EPHA4: variants seen among roughly 807,000 people sequenced by gnomAD.
The protein encoded by EPHA4 is EPH receptor A4, also known as ephrin type-A receptor 4.
EPHA4 carries 19 observed loss-of-function variants against 108.3 expected under a neutral mutation model. That is an observed-to-expected ratio of 0.18 (90% CI 0.12 to 0.26). The LOEUF (loss-of-function observed/expected upper bound fraction) is 0.26, where lower values mean the gene tolerates loss of function less well. EPHA4 is among the 10% of genes least tolerant of loss of function. The pLI is 1.00. For synonymous variants in EPHA4, 449 were observed against 455.5 expected, an observed-to-expected ratio of 0.99 and a Z score of 0.18; for missense variants, 917 against 1,254.0, an observed-to-expected ratio of 0.73 and a Z score of 4.06.
intron 3 of EPHA4, among the ~76,000 whole-genome samples, chr2:221,510,695 CT>C (rs1692801694): frequency 6.6e-6 from 1 of 152,130 alleles, no homozygotes; most frequent in Non-Finnish European, 1.5e-5. Context: ...TCTAAATTAA[CT>C]CTATAAAAAA....
At chr2:221,447,595 G>A (rs1690632325) in intron 8 of EPHA4, among the ~76,000 whole-genome samples, 1 of 152,012 alleles carries the variant, frequency 6.6e-6, no homozygotes, top group African/African-American at 2.4e-5. Context: ...TTCTCCGTGG[G>A]GATAATTCCC....
intron 3 of EPHA4, among the ~76,000 whole-genome samples, chr2:221,561,196 C>A (rs536467016): frequency 2.0e-5 from 3 of 151,960 alleles, no homozygotes; most frequent in African/African-American, 7.2e-5. Context: ...GAGCCAAGAT[C>A]GCGCCACTGC....
chr2:221,461,367 G>A (rs917897434), intron 5 of EPHA4, among the ~76,000 whole-genome samples: 1 of 152,166 alleles, frequency 6.6e-6, no homozygotes, highest in Non-Finnish European at 1.5e-5. Context: ...ATTAGAAGAG[G>A]AGATAATAGA....
chr2:221,477,457 C>T (rs912661441), intron 5 of EPHA4, among the ~76,000 whole-genome samples: 5 of 152,150 alleles, frequency 3.3e-5, no homozygotes. Flanking sequence ...ATTGGGGATG[C>T]TGTGTTGTGA....
At chr2:221,453,485 A>G (rs879431809) in intron 8 of EPHA4, among the ~76,000 whole-genome samples, 69 of 152,342 alleles carry the variant, frequency 4.5e-4, no homozygotes, top group Admixed American at 3.1e-3. Flanking sequence ...GGCAATGTAC[A>G]AGAAAGAGGG....
chr2:221,455,826 C>T (rs563776868), intron 7 of EPHA4, among the ~76,000 whole-genome samples, 168 bp from the exon 8 acceptor site: 1 of 152,190 alleles, frequency 6.6e-6, no homozygotes, highest in Admixed American at 6.5e-5. Flanking sequence ...CGAGAGCTAT[C>T]AAAAACCTGC....
Position 221,455,583 on chromosome 2 carries a change from A to G in EPHA4, c.1679T>C (p.Val560Ala), listed in dbSNP as rs1458779447. Residue 560 changes from valine to alanine, a missense_variant, in exon 8 of 18, where the codon GTG (valine) becomes GCG (alanine). Val to Ala is a moderately conservative substitution (Grantham distance 64). Transcript: ENST00000281821. The part of the protein sequence containing the change: ...LVSVSGSVVL[V>A]VILIAAFVIS... ...GACAAAAGCTGCAATGAGAATTACC[A>G]CCAGCACCACACTGCCCGAGACAGA... 6.2e-7 allele frequency: 1 copy of G among 1,613,950 alleles called. No individual in the cohort carries two copies. Among genetic ancestry groups the G allele is most frequent in the Non-Finnish European group, 8.5e-7 (1 of 1,179,898 alleles).
intron 11 of EPHA4, chr2:221,437,463 A>G (rs1690277752): frequency 5.1e-6 from 1 of 195,394 alleles, no homozygotes; most frequent in African/African-American, 2.3e-5. Flanking sequence ...CAATGCAGAA[A>G]TAATCTTTAG....
At chr2:221,515,617 C>A (rs1400816237) in intron 3 of EPHA4, among the ~76,000 whole-genome samples, 1 of 152,112 alleles carries the variant, frequency 6.6e-6, no homozygotes, top group African/African-American at 2.4e-5. Flanking sequence ...CAGTTTGAGA[C>A]CAGCCTGGGC....
At position 221,539,689 on chromosome 2, in the gene EPHA4, C is replaced by A. The variant is rs1030880188; in HGVS notation, c.823+24042G>T. Among the ~76,000 whole-genome samples the A allele has an allele frequency of 1.3e-5, 2 of 152,150 alleles. 1 individual carries two copies. Among genetic ancestry groups the A allele is most frequent in the South Asian group, 4.2e-4 (2 of 4,816 alleles). ...GGGCCCCAGTAACGCGGAGTAGTCACGGGAGTAGTAGTGGTAGAAATAAGA... is the reference window on the plus strand; with the variant it reads ...GGGCCCCAGTAACGCGGAGTAGTCAAGGGAGTAGTAGTGGTAGAAATAAGA... On this transcript the variant is annotated intron_variant, in intron 3 of 17. Coordinates refer to ENST00000281821, the MANE Select transcript of EPHA4 (RefSeq NM_004438.5).
At chr2:221,447,422 C>T (rs962561311) in intron 8 of EPHA4, among the ~76,000 whole-genome samples, 4 of 152,160 alleles carry the variant, frequency 2.6e-5, no homozygotes, top group South Asian at 2.1e-4. Context: ...CAGATGATTA[C>T]GAAAAAGAGA....
chr2:221,426,255 C>G, intron 16 of EPHA4, 113 bp from the exon 17 acceptor site: 1 of 1,071,376 alleles, frequency 9.3e-7, no homozygotes, highest in South Asian at 1.4e-5. Flanking sequence ...TACAGCACAA[C>G]AAGGCAGGTG....
Position 221,418,920 on chromosome 2 carries a change from G to T in EPHA4, c.*2452C>A, listed in dbSNP as rs1367648664. On this transcript the variant is annotated 3_prime_UTR_variant, in exon 18 of 18. Transcript: ENST00000281821. ...CACATCCCTTAAAAAATATATTAAG[G>T]TCCCCAAAAAGGGGTGAATCAACTT... 1 of 152,470 alleles carries T rather than the reference G, an allele frequency of 6.6e-6. No individual in the cohort carries two copies. The highest frequency in any genetic ancestry group is 1.5e-5 in the Non-Finnish European group (1 of 68,008). 9.4% of individuals were successfully genotyped at this position (152,470 alleles called of 1,614,324 possible). A position where few individuals can be genotyped will look rare whatever the true frequency, so the allele number is the denominator to read the frequency against.
At position 221,529,317 on chromosome 2, in the gene EPHA4, G is replaced by A. The variant is rs142264170; in HGVS notation, c.824-28145C>T. On this transcript the variant is annotated intron_variant, in intron 3 of 17. Coordinates refer to ENST00000281821, the MANE Select transcript of EPHA4 (RefSeq NM_004438.5). ...CACCTTGAGGAAGGCTGGAGAGGCT[G>A]GGAGAAGGGGCGGTCACCATTCACA... Among the ~76,000 whole-genome samples the A allele has an allele frequency of 3.4e-3, 511 of 152,236 alleles. 2 individuals are homozygous for A. Among genetic ancestry groups the A allele is most frequent in the African/African-American group, 0.011 (474 of 41,542 alleles).
At chr2:221,447,021 T>C (rs3770187) in intron 8 of EPHA4, among the ~76,000 whole-genome samples, 52,706 of 151,978 alleles carry the variant, frequency 0.35, 10,913 homozygotes, top group African/African-American at 0.59. Flanking sequence ...AATGTATATA[T>C]CTCTCTTATA....
intron 3 of EPHA4, chr2:221,501,390 C>T (rs150477722): frequency 7.3e-6 from 3 of 412,866 alleles, no homozygotes; most frequent in East Asian, 7.4e-5. Context: ...TCAAGAAGTC[C>T]AAAGGAAGAA....
At chr2:221,458,050 G>A (rs1691018769) in intron 5 of EPHA4, 60 bp from the exon 6 acceptor site, 7 of 1,571,430 alleles carry the variant, frequency 4.5e-6, no homozygotes, top group Non-Finnish European at 6.0e-6. Flanking sequence ...TGGTTTTGGT[G>A]GTAGCCAGAA....
chr2:221,520,506 C>CCA (rs61047207), intron 3 of EPHA4, among the ~76,000 whole-genome samples: 129 of 142,122 alleles, frequency 9.1e-4, no homozygotes, highest in East Asian at 2.9e-3. Flanking sequence ...TTTCCTCTAA[C>CCA]CACACACACA....
intron 5 of EPHA4, among the ~76,000 whole-genome samples, chr2:221,466,745 T>C (rs961193092): frequency 6.6e-6 from 1 of 152,198 alleles, no homozygotes; most frequent in African/African-American, 2.4e-5. Flanking sequence ...CTCATTTTTA[T>C]AGATCAAGAA....
Sources: allele counts gnomAD v4.1 joint callset (sites outside exome capture counted in the v4.1 genomes callset), GRCh38; gene constraint gnomAD v4.1.1; transcripts MANE v1.5; gene names NCBI Gene and HGNC (gene_info 2026-07-23, HGNC 2026-07-21).